The following ADAMTS2 variants were observed in gnomAD, a reference collection of about 807,000 sequenced individuals.
The protein encoded by ADAMTS2 is ADAM metallopeptidase with thrombospondin type 1 motif 2.
In ADAMTS2, 50 loss-of-function variants were observed where a neutral mutation model predicts 123.0. The ratio of observed to expected loss-of-function variants is 0.41; its 90% CI spans 0.32 to 0.51. The LOEUF (loss-of-function observed/expected upper bound fraction) is 0.51. Ranked by LOEUF, ADAMTS2 falls within the 20% of genes least tolerant of loss-of-function variation. The probability of loss-of-function intolerance (pLI) is 0.35; values close to 1 mark genes in which losing one functional copy is unlikely to be tolerated. For missense variants in ADAMTS2, 1,494 were observed against 1,705.2 expected (o/e 0.88, Z 2.18); for synonymous variants, 678 against 695.4 (o/e 0.98, Z 0.39).
In ADAMTS2 at chr5:179,262,808, C is replaced by G. The variant is rs1311866119; in HGVS notation, c.688+10103G>C. 6.6e-6 allele frequency among the ~76,000 whole-genome samples: 1 copy of G among 152,282 alleles called. No homozygotes were observed. Among genetic ancestry groups the G allele is most frequent in the Non-Finnish European group, 1.5e-5 (1 of 68,052 alleles). ...CCTGCGGGGCTGTGAGCCCAGAGAA[C>G]AGGGACTCGATCGGGTTCCTCCGCT... is the stretch of plus-strand genomic sequence containing the variant. On this transcript the variant is annotated intron_variant, in intron 3 of 21. Transcript: ENST00000251582. This position sits in a 1 kb window ranked among gnomAD's most constrained non-coding sequence, Gnocchi z 5.9.
rs773507806 is a variant in ADAMTS2, at chr5:179,314,842, C to G, written c.534+28925G>C. ...CACACTTTTTTGTGCCAGGCCCAAC[C>G]AAGAGCTGCAAGGGACATAGGAATG... is the stretch of plus-strand genomic sequence containing the variant. On this transcript the variant is annotated intron_variant, in intron 2 of 21. Coordinates refer to ENST00000251582, the MANE Select transcript of ADAMTS2 (RefSeq NM_014244.5). This position sits in a 1 kb window ranked among gnomAD's most constrained non-coding sequence, Gnocchi z 4.5. Among the ~76,000 whole-genome samples, 12 of 152,116 alleles carry G rather than the reference C, an allele frequency of 7.9e-5. No homozygotes were observed. Among genetic ancestry groups the G allele is most frequent in the Non-Finnish European group, 1.2e-4 (8 of 68,018 alleles).
rs545089318 is a variant in ADAMTS2, at chr5:179,312,695, G to C, written c.534+31072C>G. ...AGAGCAGAGGGAGATGGAGGATGTC[G>C]GCCCTGAAGCCCAGAGCGAAGAGGC... On this transcript the variant is annotated intron_variant, in intron 2 of 21. Transcript: ENST00000251582. This position sits in a 1 kb window ranked among gnomAD's most constrained non-coding sequence, Gnocchi z 4.2. Among the ~76,000 whole-genome samples the C allele has an allele frequency of 1.3e-5, 2 of 152,266 alleles. No individual in the cohort carries two copies. Among genetic ancestry groups the C allele is most frequent in the East Asian group, 3.9e-4 (2 of 5,186 alleles).
chr5:179,325,463 TG>T (rs1339637456), intron 2 of ADAMTS2, among the ~76,000 whole-genome samples: 1 of 152,192 alleles, frequency 6.6e-6, no homozygotes, highest in Non-Finnish European at 1.5e-5. Flanking sequence ...GGCTTTCCTC[TG>T]GGGCCCATCC....
chr5:179,341,730 AAAG>A, intron 2 of ADAMTS2, among the ~76,000 whole-genome samples: 1 of 45,494 alleles, frequency 2.2e-5, no homozygotes, highest in Non-Finnish European at 4.9e-5. Flanking sequence ...AAAAAAAAAA[AAAG>A]AAAACAGAAC....
rs771509806 is a variant in ADAMTS2 at position 179,290,011 on chromosome 5, G to A, written c.535-16947C>T. ...GAGGGGGAGCCTGAACCAGACAACC[G>A]ACATGAGTCGGAAGACTGACAAAAT... On this transcript the variant is annotated intron_variant, in intron 2 of 21. Transcript: ENST00000251582. Among the ~76,000 whole-genome samples, 5 of 152,190 alleles carry A rather than the reference G, an allele frequency of 3.3e-5. No individual in the cohort carries two copies. In the East Asian group the frequency reaches 5.8e-4, roughly 18 times the overall value.
intron 2 of ADAMTS2, among the ~76,000 whole-genome samples, chr5:179,286,060 A>T (rs567820422): frequency 5.1e-4 from 78 of 152,158 alleles, no homozygotes; most frequent in African/African-American, 1.9e-3. Context: ...CCAAAATACA[A>T]CAAATTAGCG....
chr5:179,238,045 G>A (rs540466160), intron 3 of ADAMTS2, among the ~76,000 whole-genome samples: 16 of 152,250 alleles, frequency 1.1e-4, no homozygotes, highest in South Asian at 2.1e-4. Flanking sequence ...AACACACACC[G>A]AAGCCATGTT....
intron 2 of ADAMTS2, among the ~76,000 whole-genome samples, chr5:179,338,611 C>G (rs1757685355): frequency 6.6e-6 from 1 of 152,210 alleles, no homozygotes; most frequent in Non-Finnish European, 1.5e-5. Context: ...ACCAGCAGAG[C>G]AGGCGACTCA....
intron 3 of ADAMTS2, among the ~76,000 whole-genome samples, chr5:179,250,811 T>C (rs548637704): frequency 2.0e-5 from 3 of 152,324 alleles, no homozygotes; most frequent in Admixed American, 1.3e-4. Context: ...GGGAGGCCAA[T>C]GTCACCCTCT....
chr5:179,294,548 T>A (rs151278496), intron 2 of ADAMTS2, among the ~76,000 whole-genome samples: 1 of 152,326 alleles, frequency 6.6e-6, no homozygotes, highest in Non-Finnish European at 1.5e-5. Flanking sequence ...AGGAGGCAGC[T>A]TGTGGAGGTC....
chr5:179,158,255 G>A lies in ADAMTS2; in HGVS notation c.1132+468C>T, dbSNP rs1344753100. ...GCTGGGATTACAGGTGTGAACCACC[G>A]CGCCCGGCCTTTTGTCTCTTTTTAA... is the stretch of plus-strand genomic sequence containing the variant. On this transcript the variant is annotated intron_variant, in intron 6 of 21. Transcript: ENST00000251582. The surrounding 1 kb of genome is among the most constrained non-coding windows in gnomAD (Gnocchi z 5.0). 1.3e-5 allele frequency among the ~76,000 whole-genome samples: 2 copies of A among 152,112 alleles called. No homozygotes were observed. Among genetic ancestry groups the A allele is most frequent in the Admixed American group, 6.5e-5 (1 of 15,282 alleles).
In ADAMTS2 at chr5:179,256,649, C is replaced by T. The variant is rs1024213761; in HGVS notation, c.688+16262G>A. Among the ~76,000 whole-genome samples the T allele has an allele frequency of 8.5e-5, 13 of 152,110 alleles. No homozygotes were observed. The highest frequency in any genetic ancestry group is 4.4e-5 in the Non-Finnish European group (3 of 68,032). On this transcript the variant is annotated intron_variant, in intron 3 of 21. Transcript: ENST00000251582. This position sits in a 1 kb window ranked among gnomAD's most constrained non-coding sequence, Gnocchi z 4.1. Reference sequence around the variant, plus strand: ...GGCGGGGCCAGCATGAGTGGGGGGGCCAGGCACGAATCGGCAGGGAGGGAG... The same window carrying T: ...GGCGGGGCCAGCATGAGTGGGGGGGTCAGGCACGAATCGGCAGGGAGGGAG...
chr5:179,217,157 A>G (rs1162094204), intron 3 of ADAMTS2, among the ~76,000 whole-genome samples: 1 of 152,258 alleles, frequency 6.6e-6, no homozygotes, highest in Non-Finnish European at 1.5e-5. Flanking sequence ...GAGGAGAAGC[A>G]AATGTGGTGG....
rs1159428471 is a variant in ADAMTS2, at chr5:179,332,615, G to A, written c.534+11152C>T. Among the ~76,000 whole-genome samples the A allele has an allele frequency of 6.8e-6, 1 of 146,822 alleles. No homozygotes were observed. Among genetic ancestry groups the A allele is most frequent in the African/African-American group, 2.5e-5 (1 of 40,340 alleles). ...CTCAGTCTGTGACCCAACCTGCATT[G>A]CCCCAGAAGCCCAGACCTCAGCTCA... On this transcript the variant is annotated intron_variant, in intron 2 of 21. Coordinates refer to ENST00000251582, the MANE Select transcript of ADAMTS2 (RefSeq NM_014244.5). The surrounding 1 kb of genome is among the most constrained non-coding windows in gnomAD (Gnocchi z 4.2).
rs1465574985 is a variant in ADAMTS2 at position 179,132,938 on chromosome 5, T to A, written c.2086-38A>T. On this transcript the variant is annotated intron_variant, in intron 13 of 21. Transcript: ENST00000251582. This position sits in a 1 kb window ranked among gnomAD's most constrained non-coding sequence, Gnocchi z 6.1. The stretch of plus-strand genomic sequence containing the variant: ...GAGGCAGTGAGCACTTGAGACGTCC[T>A]GCTAGTAGAGTCAGGGTCATACTAT... 6.2e-7 allele frequency: 1 copy of A among 1,607,496 alleles called. No homozygotes were observed. The highest frequency in any genetic ancestry group is 8.5e-7 in the Non-Finnish European group (1 of 1,177,306).
At chr5:179,247,702 A>G (rs1221806623) in intron 3 of ADAMTS2, among the ~76,000 whole-genome samples, 2 of 152,222 alleles carry the variant, frequency 1.3e-5, no homozygotes, top group East Asian at 1.9e-4. Flanking sequence ...GAAACAATAA[A>G]GGCCAGAAAC....
chr5:179,328,180 G>C (rs1024274083), intron 2 of ADAMTS2, among the ~76,000 whole-genome samples: 48 of 152,196 alleles, frequency 3.2e-4, no homozygotes, highest in African/African-American at 1.0e-3. Flanking sequence ...CTACAGGCGC[G>C]CACCACCACG....
intron 3 of ADAMTS2, among the ~76,000 whole-genome samples, chr5:179,250,254 G>A (rs533859212): frequency 1.5e-4 from 23 of 152,290 alleles, no homozygotes; most frequent in African/African-American, 5.5e-4. Context: ...CTGTAAGACT[G>A]GAAGCCTGCT....
chr5:179,326,679 A>T (rs1188660498), intron 2 of ADAMTS2, among the ~76,000 whole-genome samples: 2 of 151,968 alleles, frequency 1.3e-5, no homozygotes, highest in African/African-American at 4.8e-5. Flanking sequence ...TTTAATCCTC[A>T]TCATAACCCA....
Sources: allele counts gnomAD v4.1 joint callset (sites outside exome capture counted in the v4.1 genomes callset), GRCh38; gene constraint gnomAD v4.1.1; non-coding constraint Gnocchi (gnomAD v3.1); transcripts MANE v1.5; gene names NCBI Gene and HGNC (gene_info 2026-07-23, HGNC 2026-07-21).